Variants in TPCN1 observed in about 807,000 individuals in gnomAD.
TPCN1 encodes the protein two pore segment channel 1, also known as two pore channel protein 1.
A neutral mutation model predicts 108.8 loss-of-function variants in TPCN1; 52 were observed. The observed-to-expected ratio is 0.48, with a 90% CI of 0.38 to 0.60. TPCN1 has a LOEUF of 0.60. TPCN1 is among the 20% of genes least tolerant of loss of function. The pLI, the probability that TPCN1 is intolerant of heterozygous loss-of-function variation, is 0.00. For missense variants in TPCN1, 806 were observed against 1,072.8 expected, an observed-to-expected ratio of 0.75 and a Z score of 3.47; for synonymous variants, 446 against 433.7, an observed-to-expected ratio of 1.03 and a Z score of -0.35.
At chr12:113,290,805 T>G in intron 22 of TPCN1, 147 bp from the exon 23 acceptor site, 1 of 753,538 alleles carries the variant, frequency 1.3e-6, no homozygotes, top group Non-Finnish European at 2.3e-6. Flanking sequence ...CCTTGCCTGG[T>G]CTTTCCTGGA....
chr12:113,246,720 G>T (rs569016809), intron 2 of TPCN1, among the ~76,000 whole-genome samples: 3 of 152,072 alleles, frequency 2.0e-5, no homozygotes, highest in Non-Finnish European at 2.9e-5. Flanking sequence ...CCCCTGCGAC[G>T]TGCCCCAGTT....
At chr12:113,264,610 C>T (rs58292219) in intron 3 of TPCN1, among the ~76,000 whole-genome samples, 4 of 151,246 alleles carry the variant, frequency 2.6e-5, no homozygotes, top group East Asian at 1.9e-4. Flanking sequence ...ACCCAGGAGG[C>T]GGAGGTTGCA....
In TPCN1 at chr12:113,277,293, G is replaced by T; in HGVS notation, c.1113G>T (p.Lys371Asn). 6.2e-7 allele frequency: 1 copy of T among 1,614,170 alleles called. No individual in the cohort carries two copies. Among genetic ancestry groups the T allele is most frequent in the Middle Eastern group, 1.6e-4 (1 of 6,062 alleles). Residue 371 changes from lysine (K) to asparagine (N), a missense_variant, in exon 12 of 28, where the codon AAG becomes AAT. By Grantham distance (94) the Lys-to-Asn change is moderately conservative. Coordinates refer to ENST00000335509, the MANE Select transcript of TPCN1 (RefSeq NM_017901.6). The part of the protein sequence containing the change: ...RQFEGLMRFY[K>N]PRMSARERYL... ...TTGAAGGCCTCATGCGCTTCTACAA[G>T]CCCCGGATGAGTGCCAGGGAGCGCT...
rs145283704 is a variant in TPCN1, at chr12:113,257,257, C to T, written c.113-3111C>T. Among the ~76,000 whole-genome samples the T allele has an allele frequency of 5.4e-3, 829 of 152,242 alleles. 11 individuals are homozygous for T. Among genetic ancestry groups the T allele is most frequent in the African/African-American group, 0.018 (758 of 41,536 alleles). On this transcript the variant is annotated intron_variant, in intron 2 of 27. Coordinates refer to ENST00000335509, the MANE Select transcript of TPCN1 (RefSeq NM_017901.6). ...CTGTGATCCCAACACTTTGGGAGGCCGAGGCGGGCAGATCACCTGAGGTTC... is the reference window on the plus strand; with the variant it reads ...CTGTGATCCCAACACTTTGGGAGGCTGAGGCGGGCAGATCACCTGAGGTTC...
chr12:113,291,459 A>G, intron 23 of TPCN1, 150 bp from the exon 24 acceptor site: 2 of 691,038 alleles, frequency 2.9e-6, no homozygotes, highest in Non-Finnish European at 5.0e-6. Context: ...TGTTAGGCCC[A>G]GAGGGGCAAG....
intron 2 of TPCN1, chr12:113,245,967 C>A (rs1424406173): frequency 6.6e-6 from 3 of 456,006 alleles, no homozygotes; most frequent in African/African-American, 6.0e-5. Flanking sequence ...CCTGCAGGGT[C>A]ATTTCCGATG....
Position 113,232,901 on chromosome 12 carries a change from G to A in TPCN1, c.112+5937G>A, listed in dbSNP as rs1297664924. ...CAGGTGGCCCCTGCCAAGCTGGGAC[G>A]CCTCCGTGTAGCAGCTGGAGACCAA... On this transcript the variant is annotated intron_variant, in intron 2 of 27. Coordinates refer to ENST00000335509, the MANE Select transcript of TPCN1 (RefSeq NM_017901.6). The surrounding 1 kb of genome is among the most constrained non-coding windows in gnomAD (Gnocchi z 5.6). Among the ~76,000 whole-genome samples, 1 of 152,150 alleles carries A rather than the reference G, an allele frequency of 6.6e-6. No individual in the cohort carries two copies. The highest frequency in any genetic ancestry group is 2.4e-5 in the African/African-American group (1 of 41,430).
intron 11 of TPCN1, 43 bp from the exon 12 acceptor site, chr12:113,277,197 G>C (rs1294346785): frequency 1.2e-6 from 2 of 1,610,194 alleles, no homozygotes; most frequent in Admixed American, 3.4e-5. Context: ...CCCAAGGGAA[G>C]GGGAGTAGCC....
chr12:113,285,549 T>C (rs192654014), intron 17 of TPCN1, among the ~76,000 whole-genome samples: 17 of 152,310 alleles, frequency 1.1e-4, no homozygotes, highest in African/African-American at 4.1e-4. Flanking sequence ...CTAATTTTTG[T>C]ATTTTTTGTA....
chr12:113,283,092 A>T (rs1955946417), intron 15 of TPCN1, among the ~76,000 whole-genome samples: 1 of 152,220 alleles, frequency 6.6e-6, no homozygotes, highest in South Asian at 2.1e-4. Context: ...AAAGCAAAAA[A>T]AAATTATGTA....
intron 1 of TPCN1, among the ~76,000 whole-genome samples, chr12:113,223,578 C>G (rs567590557): frequency 5.3e-5 from 8 of 152,242 alleles, no homozygotes; most frequent in African/African-American, 1.9e-4. Context: ...GAGTCTCGCT[C>G]TGTCGCCCAG....
intron 2 of TPCN1, among the ~76,000 whole-genome samples, chr12:113,256,342 G>A (rs1448655078): frequency 6.6e-6 from 1 of 150,986 alleles, no homozygotes; most frequent in African/African-American, 2.4e-5. Context: ...GGCTGGGTAT[G>A]CATGTATGTA....
intron 15 of TPCN1, among the ~76,000 whole-genome samples, chr12:113,281,907 G>T (rs2136701093): frequency 6.7e-6 from 1 of 148,260 alleles, no homozygotes; most frequent in South Asian, 2.1e-4. Flanking sequence ...TACACATTTG[G>T]ATTTCTTTTT....
At chr12:113,258,065 T>C (rs1954889159) in intron 2 of TPCN1, among the ~76,000 whole-genome samples, 1 of 152,236 alleles carries the variant, frequency 6.6e-6, no homozygotes, top group Non-Finnish European at 1.5e-5. Context: ...GTTATCTTGA[T>C]TGTTGTGATG....
Position 113,232,626 on chromosome 12 carries a change from C to T in TPCN1, c.112+5662C>T, listed in dbSNP as rs1447313582. Reference sequence around the variant, plus strand: ...TACCATGGTGAGTGGAGTGGTTGAGCTGAGTATAGTGCTTAGCTGCTCTAA... The same window carrying T: ...TACCATGGTGAGTGGAGTGGTTGAGTTGAGTATAGTGCTTAGCTGCTCTAA... On this transcript the variant is annotated intron_variant, in intron 2 of 27. Transcript: ENST00000335509. The surrounding 1 kb of genome is among the most constrained non-coding windows in gnomAD (Gnocchi z 5.6). Among the ~76,000 whole-genome samples, 1 of 152,210 alleles carries T rather than the reference C, an allele frequency of 6.6e-6. No individual in the cohort carries two copies. Among genetic ancestry groups the T allele is most frequent in the Admixed American group, 6.5e-5 (1 of 15,282 alleles).
At chr12:113,222,175 G>A (rs1953262072) in intron 1 of TPCN1, among the ~76,000 whole-genome samples, 1 of 152,056 alleles carries the variant, frequency 6.6e-6, no homozygotes, top group African/African-American at 2.4e-5. Flanking sequence ...CCCCTCTCTG[G>A]GCCTCATTTT....
At position 113,296,162 on chromosome 12, in the gene TPCN1, A is replaced by G. The variant is rs537126808; in HGVS notation, c.*86A>G. On this transcript the variant is annotated 3_prime_UTR_variant, in exon 28 of 28. Transcript: ENST00000335509. ...GTACGGAACTGCGGTGTGTGTACAC[A>G]TACTCACGTATATGCACATATTTAT... 1.6e-5 allele frequency: 24 copies of G among 1,530,574 alleles called. No individual in the cohort carries two copies. The highest frequency in any genetic ancestry group is 3.6e-5 in the Admixed American group (2 of 55,212). The allele number at this position is 1,530,574 out of a possible 1,614,324, so 94.8% of individuals were successfully genotyped here.
Position 113,285,941 on chromosome 12 carries a change from C to G in TPCN1, c.1506C>G (p.Tyr502Ter). The G allele has an allele frequency of 6.2e-7, 1 of 1,614,172 alleles. No homozygotes were observed. The highest frequency in any genetic ancestry group is 2.2e-5 in the East Asian group (1 of 44,884). ...LKVAGLGPVE[Y>*]LSSGWNLFDF... is the part of the protein sequence containing the mutation. ...TTGCCGGCCTGGGCCCTGTGGAGTACTTGTCTTCCGGATGGAACTTGTGAG... is the reference window on the plus strand; with the variant it reads ...TTGCCGGCCTGGGCCCTGTGGAGTAGTTGTCTTCCGGATGGAACTTGTGAG... The change falls in exon 18 of 28, where the codon TAC becomes TAG. Residue 502 changes from tyrosine to a stop codon, truncating the protein, a stop_gained. Coordinates refer to ENST00000335509, the MANE Select transcript of TPCN1 (RefSeq NM_017901.6). LOFTEE classifies it high-confidence loss of function.
Position 113,287,000 on chromosome 12 carries a change from G to A in TPCN1, c.1540G>A (p.Val514Met). 6.2e-7 allele frequency: 1 copy of A among 1,613,698 alleles called. No homozygotes were observed. The highest frequency in any genetic ancestry group is 8.5e-7 in the Non-Finnish European group (1 of 1,179,918). The change falls in exon 19 of 28, where the codon GTG becomes ATG. Residue 514 changes from valine to methionine, a missense_variant. By Grantham distance (21) the Val-to-Met change is conservative (BLOSUM62 1). Coordinates refer to ENST00000335509, the MANE Select transcript of TPCN1 (RefSeq NM_017901.6). ...CCCCTACTGCAGGTTTGACTTCTCC[G>A]TGACAGTGTTCGCCTTCCTGGGACT... Reference protein sequence around the residue: ...SSGWNLFDFSVTVFAFLGLLA... With the variant: ...SSGWNLFDFSMTVFAFLGLLA...
Sources: allele counts gnomAD v4.1 joint callset (sites outside exome capture counted in the v4.1 genomes callset), GRCh38; gene constraint gnomAD v4.1.1; non-coding constraint Gnocchi (gnomAD v3.1); transcripts MANE v1.5; gene names NCBI Gene and HGNC (gene_info 2026-07-23, HGNC 2026-07-21).